Variants in GPHN observed in about 807,000 individuals in gnomAD.
GPHN encodes the protein gephyrin.
In GPHN, 17 loss-of-function variants were observed where a neutral mutation model predicts 95.5. That is an observed-to-expected ratio of 0.18 (90% CI 0.12 to 0.27). GPHN has a LOEUF of 0.27. Among genes scored for constraint, GPHN ranks in the 10% least tolerant of loss-of-function variants. The pLI, the probability that GPHN is intolerant of heterozygous loss-of-function variation, is 1.00. For synonymous variants in GPHN, 320 were observed against 322.5 expected (o/e 0.99, Z 0.08); for missense variants, 660 against 978.1 (o/e 0.67, Z 4.34).
the GPHN span, among the ~76,000 whole-genome samples, chr14:67,250,296 C>T: frequency 2.6e-5 from 4 of 152,128 alleles, no homozygotes; most frequent in Admixed American, 1.3e-4. Flanking sequence ...TTTTTTGTAA[C>T]TCATCTGTAA....
chr14:67,563,232 C>A, the GPHN span, among the ~76,000 whole-genome samples: 1 of 152,186 alleles, frequency 6.6e-6, no homozygotes, highest in Non-Finnish European at 1.5e-5. Flanking sequence ...AGAAGCAAAC[C>A]ACTAGGGTTG....
the GPHN span, chr14:67,576,261 G>A: frequency 1.6e-6 from 1 of 625,720 alleles, no homozygotes; most frequent in East Asian, 2.8e-5. This position sits in a 1 kb window ranked among gnomAD's most constrained non-coding sequence, Gnocchi z 4.0. Flanking sequence ...AGTCTTTCCA[G>A]GTAGCCCTGA....
rs182529378 is a variant in GPHN, at chr14:67,061,016, A to G, written c.1144+2230A>G. Among the ~76,000 whole-genome samples, 83 of 151,958 alleles carry G rather than the reference A, an allele frequency of 5.5e-4. No homozygotes were observed. In the Middle Eastern group the frequency reaches 0.01, roughly 19 times the overall value. ...TCCCTTGTTCTACATTCCCTCTGTT[A>G]CTGTTTTAGTTTAGGTGTTTTTTTT... On this transcript the variant is annotated intron_variant, in intron 11 of 22. Transcript: ENST00000478722.
At chr14:67,569,942 T>G in the GPHN span, 1 of 1,609,738 alleles carries the variant, frequency 6.2e-7, no homozygotes, top group Non-Finnish European at 8.5e-7. Context: ...CCTGCCCTTG[T>G]TTCCCCTGGG....
the GPHN span, among the ~76,000 whole-genome samples, chr14:67,714,009 A>C: frequency 3.9e-5 from 6 of 152,158 alleles, no homozygotes; most frequent in Non-Finnish European, 5.9e-5. Context: ...GTTTGCCCTA[A>C]ACAGTTCCCA....
chr14:67,331,399 C>T, the GPHN span, among the ~76,000 whole-genome samples: 1 of 151,894 alleles, frequency 6.6e-6, no homozygotes, highest in Non-Finnish European at 1.5e-5. Flanking sequence ...TGAAGTAAAA[C>T]AGATTTTCAA....
chr14:67,249,865 C>T, the GPHN span, among the ~76,000 whole-genome samples: 4 of 152,152 alleles, frequency 2.6e-5, no homozygotes, highest in African/African-American at 9.7e-5. Context: ...AGACTGCATT[C>T]GTTTAACGTG....
At chr14:67,118,587 G>C (rs897851022) in intron 16 of GPHN, among the ~76,000 whole-genome samples, 4 of 152,094 alleles carry the variant, frequency 2.6e-5, no homozygotes, top group African/African-American at 4.8e-5. Flanking sequence ...AATTAGCCGG[G>C]TGTGGTGGCG....
At chr14:67,284,198 C>G in the GPHN span, among the ~76,000 whole-genome samples, 1 of 151,972 alleles carries the variant, frequency 6.6e-6, no homozygotes, top group East Asian at 1.9e-4. Context: ...GGATCTTAAC[C>G]ACTAATTTCT....
At chr14:67,700,795 C>A in the GPHN span, among the ~76,000 whole-genome samples, 3 of 149,936 alleles carry the variant, frequency 2.0e-5, no homozygotes, top group East Asian at 4.0e-4. Context: ...GAGGCCGAGG[C>A]GGGTGGATCA....
intron 18 of GPHN, among the ~76,000 whole-genome samples, chr14:67,147,717 C>T (rs571870090): frequency 4.6e-5 from 7 of 152,092 alleles, no homozygotes; most frequent in Admixed American, 3.9e-4. Context: ...TTTTAATCAG[C>T]GTTTCCTCTG....
At chr14:67,409,092 C>G in the GPHN span, among the ~76,000 whole-genome samples, 1 of 149,826 alleles carries the variant, frequency 6.7e-6, no homozygotes, top group Non-Finnish European at 1.5e-5. Flanking sequence ...AAAAACAAAA[C>G]ATTAGCTGGG....
At chr14:66,978,850 T>C (rs2070445420) in intron 9 of GPHN, among the ~76,000 whole-genome samples, 1 of 152,218 alleles carries the variant, frequency 6.6e-6, no homozygotes, top group Non-Finnish European at 1.5e-5. Flanking sequence ...AATCTATTTT[T>C]AAAATAATAA....
chr14:67,553,007 C>T, the GPHN span, among the ~76,000 whole-genome samples: 3 of 152,178 alleles, frequency 2.0e-5, no homozygotes, highest in Non-Finnish European at 4.4e-5. Context: ...CTGGTTCTGA[C>T]CAATGTCATT....
At chr14:67,138,763 A>T (rs1192325121) in intron 17 of GPHN, among the ~76,000 whole-genome samples, 1 of 152,130 alleles carries the variant, frequency 6.6e-6, no homozygotes, top group African/African-American at 2.4e-5. Flanking sequence ...CATAGTTTTC[A>T]TCTGAACATG....
chr14:67,110,174 G>A lies in GPHN; in HGVS notation c.1328G>A (p.Arg443Gln), dbSNP rs745338809. 1.4e-5 allele frequency: 22 copies of A among 1,612,420 alleles called. No individual in the cohort carries two copies. The highest frequency in any genetic ancestry group is 2.7e-5 in the African/African-American group (2 of 74,842). The change falls in exon 14 of 23, where the codon CGG becomes CAG. Residue 443 changes from arginine (R) to glutamine (Q), a missense_variant. Physicochemically the swap from Arg to Gln is conservative, Grantham distance 43 (BLOSUM62 1). This residue lies in a region of GPHN where 257 missense variants were observed against 376.2 expected (regional missense o/e 0.68). Coordinates refer to ENST00000478722, the MANE Select transcript of GPHN (RefSeq NM_020806.5). ...ACAGTAATGCCAGGACAAGTCATGC[G>A]GGTTACAACAGGTGCTCCAATACCC... is the stretch of plus-strand genomic sequence containing the variant. ...TQTVMPGQVM[R>Q]VTTGAPIPCG...
chr14:67,715,967 G>A, the GPHN span, among the ~76,000 whole-genome samples: 2 of 151,962 alleles, frequency 1.3e-5, no homozygotes, highest in South Asian at 2.1e-4. Flanking sequence ...AGGCCGAGGC[G>A]GGCGGATCAC....
chr14:67,461,903 G>C, the GPHN span, among the ~76,000 whole-genome samples: 1 of 152,226 alleles, frequency 6.6e-6, no homozygotes, highest in Non-Finnish European at 1.5e-5. Context: ...CTTGGAGTTT[G>C]AAGAGGGCCG....
chr14:67,567,600 G>A, the GPHN span, among the ~76,000 whole-genome samples: 15 of 151,964 alleles, frequency 9.9e-5, no homozygotes, highest in Admixed American at 4.6e-4. Context: ...CTTCCTCACC[G>A]CCCCTCTGTC....
Sources: gnomAD v4.1 joint callset for allele counts (sites outside exome capture counted in the v4.1 genomes callset) on GRCh38, gnomAD v4.1.1 for gene constraint, gnomAD v4.1.1 regional missense constraint, Gnocchi (gnomAD v3.1) non-coding constraint, MANE v1.5 for transcripts, NCBI Gene and HGNC (gene_info 2026-07-23, HGNC 2026-07-21) for gene names.